The following GRXCR1 variants were observed in gnomAD, a reference collection of about 807,000 sequenced individuals.
The protein encoded by GRXCR1 is glutaredoxin and cysteine rich domain containing 1.
Under a neutral mutation model 27.3 loss-of-function variants are expected in GRXCR1, and 27 were observed. The ratio of observed to expected loss-of-function variants is 0.99; its 90% CI spans 0.73 to 1.37. GRXCR1 has a LOEUF of 1.37. Ranked by LOEUF, GRXCR1 falls within the 40% of genes most tolerant of loss-of-function variation. The pLI is 0.00. For missense variants in GRXCR1, 379 were observed against 354.4 expected (o/e 1.07, Z -0.56); for synonymous variants, 122 against 131.1 (o/e 0.93, Z 0.47).
intron 2 of GRXCR1, among the ~76,000 whole-genome samples, chr4:42,990,170 G>GTTTTTTTT (rs1243636449): frequency 3.1e-5 from 2 of 63,494 alleles, no homozygotes; most frequent in African/African-American, 1.1e-4. Flanking sequence ...TGAATTATTA[G>GTTTTTTTT]TTCTTTTTTT....
chr4:42,914,335 G>T (rs1297225691), intron 1 of GRXCR1, among the ~76,000 whole-genome samples: 1 of 152,244 alleles, frequency 6.6e-6, no homozygotes, highest in Non-Finnish European at 1.5e-5. Context: ...CCCACCTCTT[G>T]CATCAGCATG....
At chr4:42,905,053 T>C (rs1307595556) in intron 1 of GRXCR1, among the ~76,000 whole-genome samples, 2 of 152,276 alleles carry the variant, frequency 1.3e-5, no homozygotes, top group Admixed American at 6.5e-5. Flanking sequence ...CTTTGAAAAA[T>C]CTTAGCTGCT....
chr4:42,973,279 T>C (rs1405791604), intron 2 of GRXCR1, among the ~76,000 whole-genome samples: 1 of 152,178 alleles, frequency 6.6e-6, no homozygotes, highest in Admixed American at 6.5e-5. Context: ...AAGGTTGTAT[T>C]GTCAGCGTTA....
rs565270172 is a variant in GRXCR1, at chr4:42,990,794, A to G, written c.627+27660A>G. Among the ~76,000 whole-genome samples the G allele has an allele frequency of 4.6e-5, 7 of 152,194 alleles. No individual in the cohort carries two copies. In the South Asian group the frequency reaches 1.5e-3, roughly 32 times the overall value. On this transcript the variant is annotated intron_variant, in intron 2 of 3. Transcript: ENST00000399770. ...ATATGATAATTTTTGTAAAATGTTC[A>G]TGGCTCTTTGGAAAGAATATGTAGT...
chr4:42,981,962 G>C (rs1158804944), intron 2 of GRXCR1, among the ~76,000 whole-genome samples: 2 of 151,812 alleles, frequency 1.3e-5, no homozygotes, highest in Non-Finnish European at 2.9e-5. Context: ...ACCTCCCTGT[G>C]TCTAGATATT....
intron 1 of GRXCR1, among the ~76,000 whole-genome samples, chr4:42,947,110 C>T (rs75066094): frequency 3.9e-5 from 6 of 152,126 alleles, no homozygotes; most frequent in African/African-American, 1.4e-4. Flanking sequence ...GACTTCAAGT[C>T]TGGGTTGTAG....
intron 1 of GRXCR1, among the ~76,000 whole-genome samples, chr4:42,923,012 C>T (rs754115703): frequency 1.9e-4 from 29 of 152,098 alleles, no homozygotes; most frequent in Non-Finnish European, 7.4e-5. Flanking sequence ...CAGATCTGCA[C>T]AATAATTGCA....
chr4:42,949,854 A>C (rs1747839993), intron 1 of GRXCR1, among the ~76,000 whole-genome samples: 1 of 152,146 alleles, frequency 6.6e-6, no homozygotes, highest in African/African-American at 2.4e-5. Flanking sequence ...TCAAATTCTG[A>C]ATTTTCACTG....
At chr4:42,963,259 C>A in intron 2 of GRXCR1, 125 bp downstream of exon 2, 3 of 1,081,922 alleles carry the variant, frequency 2.8e-6, no homozygotes, top group Non-Finnish European at 4.3e-6. Context: ...GAGCTCAAAC[C>A]AAAGGGATTG....
rs142735876 is a variant in GRXCR1, at chr4:42,895,837, A to G, written c.384+2187A>G. Among the ~76,000 whole-genome samples, 625 of 152,160 alleles carry G rather than the reference A, an allele frequency of 4.1e-3. 7 individuals carry two copies. The highest frequency in any genetic ancestry group is 0.014 in the African/African-American group (580 of 41,540). On this transcript the variant is annotated intron_variant, in intron 1 of 3. Transcript: ENST00000399770. ...CCAGGGGCTAGAAGCAGAAGTTATTATTCAGTTATTCCTATACCCTTTACC... is the reference window on the plus strand; with the variant it reads ...CCAGGGGCTAGAAGCAGAAGTTATTGTTCAGTTATTCCTATACCCTTTACC...
At chr4:42,987,220 T>TGA (rs1430625408) in intron 2 of GRXCR1, among the ~76,000 whole-genome samples, 35 of 41,724 alleles carry the variant, frequency 8.4e-4, no homozygotes, top group African/African-American at 3.3e-3. Flanking sequence ...ATTATATATA[T>TGA]ATTATATATT....
intron 3 of GRXCR1, among the ~76,000 whole-genome samples, chr4:43,027,170 AC>A (rs1713282193): frequency 6.6e-6 from 1 of 152,220 alleles, no homozygotes; most frequent in Admixed American, 6.5e-5. Flanking sequence ...ATAATAACTA[AC>A]TGTATTGAGT....
rs891545394 is a variant in GRXCR1 at position 42,953,640 on chromosome 4, G to A, written c.385-9252G>A. On this transcript the variant is annotated intron_variant, in intron 1 of 3. Coordinates refer to ENST00000399770, the MANE Select transcript of GRXCR1 (RefSeq NM_001080476.3). ...TAAATGCTGTTGTTGATTTTTTTTA[G>A]AAAAGAGCAATTTACCTCAATAAGA... Among the ~76,000 whole-genome samples, 6 of 152,002 alleles carry A rather than the reference G, an allele frequency of 3.9e-5. No individual in the cohort carries two copies. In the East Asian group the frequency reaches 7.8e-4, roughly 20 times the overall value.
chr4:43,002,465 T>C lies in GRXCR1; in HGVS notation c.628-17889T>C, dbSNP rs533970296. Among the ~76,000 whole-genome samples the C allele has an allele frequency of 1.0e-4, 15 of 150,642 alleles. No homozygotes were observed. The South Asian group carries it at 2.9e-3, about 30-fold the overall frequency. ...CCCTAGATCCCTTAAACCTTGATTT[T>C]ATACAACACATGTTTTTGTGAACTC... is the stretch of plus-strand genomic sequence containing the variant. On this transcript the variant is annotated intron_variant, in intron 2 of 3. Transcript: ENST00000399770.
At chr4:42,906,873 A>G (rs982090673) in intron 1 of GRXCR1, among the ~76,000 whole-genome samples, 1 of 152,172 alleles carries the variant, frequency 6.6e-6, no homozygotes, top group Admixed American at 6.5e-5. Context: ...ACAATGAAAA[A>G]ACATTTGTCC....
At chr4:42,928,878 A>G (rs565767692) in intron 1 of GRXCR1, among the ~76,000 whole-genome samples, 97 of 152,150 alleles carry the variant, frequency 6.4e-4, no homozygotes, top group African/African-American at 2.3e-3. Context: ...GCTAGTTTGC[A>G]TATCAAAGGC....
intron 1 of GRXCR1, among the ~76,000 whole-genome samples, chr4:42,896,419 T>G (rs765271045): frequency 1.8e-4 from 25 of 141,778 alleles, no homozygotes; most frequent in Non-Finnish European, 3.6e-4. Context: ...AAGGTAGTGA[T>G]GAACCAGGAG....
chr4:42,986,122 C>G (rs1411081791), intron 2 of GRXCR1, among the ~76,000 whole-genome samples: 6 of 152,184 alleles, frequency 3.9e-5, no homozygotes, highest in Non-Finnish European at 8.8e-5. Flanking sequence ...TTAATCACTT[C>G]TTAGACTCCC....
chr4:42,942,303 A>G (rs1008373150), intron 1 of GRXCR1, among the ~76,000 whole-genome samples: 6 of 152,080 alleles, frequency 3.9e-5, no homozygotes, highest in Non-Finnish European at 8.8e-5. Flanking sequence ...GTATTTTTAA[A>G]GAAAAATTGT....
Sources: allele counts gnomAD v4.1 joint callset (sites outside exome capture counted in the v4.1 genomes callset), GRCh38; gene constraint gnomAD v4.1.1; transcripts MANE v1.5; gene names NCBI Gene and HGNC (gene_info 2026-07-23, HGNC 2026-07-21).